FAM120A: variants seen among roughly 807,000 people sequenced by gnomAD.
FAM120A encodes constitutive coactivator of PPAR-gamma-like protein 1.
A neutral mutation model predicts 109.7 loss-of-function variants in FAM120A; 15 were observed. The observed-to-expected ratio is 0.14, with a 90% CI of 0.09 to 0.21. FAM120A has a LOEUF of 0.21. Ranked by LOEUF, FAM120A falls within the 10% of genes least tolerant of loss-of-function variation. FAM120A has a pLI of 1.00. For missense variants in FAM120A, 899 were observed against 1,439.3 expected (o/e 0.62, Z 6.07); for synonymous variants, 493 against 572.8 (o/e 0.86, Z 1.99).
chr9:93,561,014 A>G, intron 15 of FAM120A, 95 bp from the exon 16 acceptor site: 1 of 1,412,328 alleles, frequency 7.1e-7, no homozygotes, highest in Non-Finnish European at 9.8e-7. Flanking sequence ...GTAAATATAA[A>G]CCAAAACTGA....
chr9:93,531,391 A>G (rs1321263989), intron 9 of FAM120A: 1 of 152,252 alleles, frequency 6.6e-6, no homozygotes, highest in Admixed American at 6.5e-5. Context: ...ATAATTAAAT[A>G]AAATTTGTTG....
At chr9:93,478,164 C>A (rs1858628950) in intron 3 of FAM120A, among the ~76,000 whole-genome samples, 1 of 151,876 alleles carries the variant, frequency 6.6e-6, no homozygotes, top group South Asian at 2.1e-4. Flanking sequence ...ATTAATAATT[C>A]TTTAATATCT....
In FAM120A at chr9:93,550,686, C is replaced by A. The variant is rs765000272; in HGVS notation, c.2269C>A (p.Leu757Ile). The A allele has an allele frequency of 3.8e-5, 62 of 1,613,124 alleles. No homozygotes were observed. The highest frequency in any genetic ancestry group is 5.2e-5 in the Non-Finnish European group (61 of 1,179,454). ...CTACGAGCCTGATCAGCTCCAGGAG[C>A]TCAAGGTAATTTATCAGCCTCATTG... ...KLYEPDQLQE[L>I]KIENLDPRGI... Residue 757 changes from leucine to isoleucine, a missense_variant, in exon 12 of 18, where the codon CTC becomes ATC. Around this residue, in one of 11 missense-constraint regions of FAM120A, gnomAD observed 52 missense variants for 49.7 expected, o/e 1.05. Coordinates refer to ENST00000277165, the MANE Select transcript of FAM120A (RefSeq NM_014612.5).
intron 7 of FAM120A, among the ~76,000 whole-genome samples, chr9:93,520,011 C>T (rs1040327361): frequency 2.6e-5 from 4 of 151,924 alleles, no homozygotes; most frequent in South Asian, 2.1e-4. Context: ...CCACCTGAGA[C>T]GAAAGACATG....
intron 12 of FAM120A, among the ~76,000 whole-genome samples, chr9:93,552,098 C>G (rs1862122251): frequency 6.6e-6 from 1 of 152,106 alleles, no homozygotes; most frequent in Non-Finnish European, 1.5e-5. Flanking sequence ...TCCTGTTTCT[C>G]TTATATAGAT....
chr9:93,459,322 C>T (rs1212172989), intron 1 of FAM120A, among the ~76,000 whole-genome samples: 1 of 152,226 alleles, frequency 6.6e-6, no homozygotes, highest in African/African-American at 2.4e-5. Flanking sequence ...GCACTCAACT[C>T]TAATCAGAAT....
Position 93,561,263 on chromosome 9 carries a change from C to A in FAM120A, c.2948+13C>A. On this transcript the variant is annotated intron_variant, in intron 16 of 17. Transcript: ENST00000277165. ...GACCAGCTAGAGGGTAAGTTCTGAGCCACGAAAATGTCTTTTGTATAAGTA... is the reference window on the plus strand; with the variant it reads ...GACCAGCTAGAGGGTAAGTTCTGAGACACGAAAATGTCTTTTGTATAAGTA... 6.3e-7 allele frequency: 1 copy of A among 1,597,146 alleles called. No homozygotes were observed. The highest frequency in any genetic ancestry group is 8.5e-7 in the Non-Finnish European group (1 of 1,174,610).
intron 7 of FAM120A, among the ~76,000 whole-genome samples, chr9:93,519,601 A>C (rs552890778): frequency 1.3e-5 from 2 of 152,264 alleles, no homozygotes; most frequent in Admixed American, 6.5e-5. Flanking sequence ...TTCTAGATGC[A>C]TAGCAAGGTG....
chr9:93,510,367 A>G (rs1263922844), intron 5 of FAM120A, among the ~76,000 whole-genome samples: 3 of 152,262 alleles, frequency 2.0e-5, no homozygotes, highest in Non-Finnish European at 4.4e-5. Flanking sequence ...TGTCTGACTT[A>G]AAAGACTGCA....
chr9:93,457,898 C>T (rs1343468244), intron 1 of FAM120A, among the ~76,000 whole-genome samples: 1 of 151,920 alleles, frequency 6.6e-6, no homozygotes, highest in Non-Finnish European at 1.5e-5. Context: ...CAAAATGCTT[C>T]CATTTCCTGG....
Position 93,562,213 on chromosome 9 carries a change from C to T in FAM120A, c.2954C>T (p.Pro985Leu). 2 of 1,613,200 alleles carry T rather than the reference C, an allele frequency of 1.2e-6. No homozygotes were observed. Among genetic ancestry groups the T allele is most frequent in the South Asian group, 2.2e-5 (2 of 91,050 alleles). ...GTCCTTTTTCATTCATTTAGGCGTC[C>T]AAGAGGAGTTATTTCCACCCCAGTG... ...VSVGGPARGR[P>L]RGVISTPVIR... Residue 985 changes from proline to leucine, a missense_variant, in exon 17 of 18, where the codon CCA (proline) becomes CTA (leucine). Pro to Leu is a moderately conservative substitution (Grantham distance 98, BLOSUM62 -3). Coordinates refer to ENST00000277165, the MANE Select transcript of FAM120A (RefSeq NM_014612.5).
chr9:93,532,150 C>G lies in FAM120A; in HGVS notation c.1735-5C>G, dbSNP rs755675838. 6.2e-7 allele frequency: 1 copy of G among 1,613,006 alleles called. No individual in the cohort carries two copies. Among genetic ancestry groups the G allele is most frequent in the Admixed American group, 1.7e-5 (1 of 59,908 alleles). On this transcript the variant is annotated splice_polypyrimidine_tract_variant and splice_region_variant and intron_variant, in intron 9 of 17. Transcript: ENST00000277165. This position sits in a 1 kb window ranked among gnomAD's most constrained non-coding sequence, Gnocchi z 4.3. ...CAATGTTATTCTGCTTTCTTCCATG[C>G]AAAGGGTGAAATCAAAATTGCTGTT...
Position 93,471,196 on chromosome 9 carries a change from A to G in FAM120A, c.530A>G (p.Asn177Ser), listed in dbSNP as rs976896527. The change falls in exon 2 of 18, where the codon AAT becomes AGT. Residue 177 changes from asparagine to serine, a missense_variant. By Grantham distance (46) the Asn-to-Ser change is conservative. Coordinates refer to ENST00000277165, the MANE Select transcript of FAM120A (RefSeq NM_014612.5). ...GAAGTGATTGGTTTCTGCAGAGAGA[A>G]TGGTTTCCATGGCTTGGTTGCGTAT... ...HQEVIGFCRE[N>S]GFHGLVAYDS... 1.1e-5 allele frequency: 18 copies of G among 1,614,038 alleles called. No homozygotes were observed. The highest frequency in any genetic ancestry group is 1.5e-5 in the Non-Finnish European group (18 of 1,180,032).
chr9:93,483,053 G>C (rs1460703793), intron 3 of FAM120A, among the ~76,000 whole-genome samples: 1 of 152,152 alleles, frequency 6.6e-6, no homozygotes, highest in Admixed American at 6.5e-5. Flanking sequence ...TGATCTTTCT[G>C]AAATCTTTTT....
At chr9:93,545,780 C>CTTTTTTTTTTTCTTTTT (rs1861859087) in intron 11 of FAM120A, among the ~76,000 whole-genome samples, 1 of 65,494 alleles carries the variant, frequency 1.5e-5, no homozygotes, top group Admixed American at 2.1e-4. Context: ...GGAAAGACTC[C>CTTTTTTTTTTTCTTTTT]TTTTTTTTTT....
intron 10 of FAM120A, among the ~76,000 whole-genome samples, chr9:93,540,503 C>T (rs748820438): frequency 8.5e-5 from 13 of 152,176 alleles, no homozygotes; most frequent in African/African-American, 2.2e-4. Flanking sequence ...AGGACAGTTC[C>T]GAGCCCTTCT....
chr9:93,542,022 C>T (rs949646728), intron 10 of FAM120A, among the ~76,000 whole-genome samples: 1 of 152,172 alleles, frequency 6.6e-6, no homozygotes, highest in Non-Finnish European at 1.5e-5. Context: ...TAACTCTGTC[C>T]TGCTTTTGGA....
Position 93,554,250 on chromosome 9 carries a change from G to A in FAM120A, c.2275-2132G>A, listed in dbSNP as rs115101229. On this transcript the variant is annotated intron_variant, in intron 12 of 17. Coordinates refer to ENST00000277165, the MANE Select transcript of FAM120A (RefSeq NM_014612.5). ...GTTTTAACTAGGGCGCTTGTGTGCCGTATACATCTGCTGCTGTTTCTTCAG... is the reference window on the plus strand; with the variant it reads ...GTTTTAACTAGGGCGCTTGTGTGCCATATACATCTGCTGCTGTTTCTTCAG... Among the ~76,000 whole-genome samples, 766 of 150,310 alleles carry A rather than the reference G, an allele frequency of 5.1e-3. 8 individuals are homozygous for A. The highest frequency in any genetic ancestry group is 0.015 in the African/African-American group (628 of 40,854).
chr9:93,557,901 C>T lies in FAM120A; in HGVS notation c.2559C>T (p.His853=). 1 of 1,612,834 alleles carries T rather than the reference C, an allele frequency of 6.2e-7. No homozygotes were observed. Among genetic ancestry groups the T allele is most frequent in the South Asian group, 1.1e-5 (1 of 91,060 alleles). ...LEGLSFSRQS[H]TLPFPPPPAL... ...GGCTCAGCTTCTCCAGGCAGAGCCA[C>T]ACGCTCCCTTTCCCGCCGCCACCTG... Residue 853 remains histidine, a synonymous_variant, in exon 14 of 18, where the codon CAC becomes CAT. Coordinates refer to ENST00000277165, the MANE Select transcript of FAM120A (RefSeq NM_014612.5).
Sources: allele counts gnomAD v4.1 joint callset (sites outside exome capture counted in the v4.1 genomes callset), GRCh38; gene constraint gnomAD v4.1.1; regional missense constraint gnomAD v4.1.1; non-coding constraint Gnocchi (gnomAD v3.1); transcripts MANE v1.5; gene names NCBI Gene and HGNC (gene_info 2026-07-23, HGNC 2026-07-21).